Variants in FLT1 observed in about 807,000 individuals in gnomAD.
FLT1 encodes fms related receptor tyrosine kinase 1, also known as vascular endothelial growth factor receptor 1.
In FLT1, 49 loss-of-function variants were observed where a neutral mutation model predicts 156.3. That is an observed-to-expected ratio of 0.31 (90% CI 0.25 to 0.40). FLT1 has a LOEUF of 0.40. Among genes scored for constraint, FLT1 ranks in the 10% least tolerant of loss-of-function variants. The pLI is 1.00. For synonymous variants in FLT1, 594 were observed against 583.8 expected, an observed-to-expected ratio of 1.02 and a Z score of -0.25; for missense variants, 1,322 against 1,637.2, an observed-to-expected ratio of 0.81 and a Z score of 3.32.
At chr13:28,425,313 A>G (rs946243328) in intron 10 of FLT1, among the ~76,000 whole-genome samples, 2 of 152,242 alleles carry the variant, frequency 1.3e-5, no homozygotes, top group Admixed American at 6.5e-5. Flanking sequence ...TGAACAGAGA[A>G]TAATTCAAAT....
At chr13:28,341,804 A>G (rs1872343609) in intron 16 of FLT1, among the ~76,000 whole-genome samples, 2 of 152,222 alleles carry the variant, frequency 1.3e-5, no homozygotes, top group African/African-American at 4.8e-5. Flanking sequence ...TCTTATTAAC[A>G]TCAAAATTTC....
intron 1 of FLT1, among the ~76,000 whole-genome samples, chr13:28,491,539 T>G (rs1424859095): frequency 6.6e-6 from 1 of 152,216 alleles, no homozygotes; most frequent in Non-Finnish European, 1.5e-5. Context: ...TCAGGCATCC[T>G]CTACCAGCCC....
intron 11 of FLT1, 60 bp from the exon 12 acceptor site, chr13:28,397,128 A>G: frequency 1.1e-6 from 1 of 944,748 alleles, no homozygotes; most frequent in African/African-American, 1.6e-5. Context: ...GAACACCCCA[A>G]GCTACTTCTG....
At chr13:28,330,529 G>T (rs2138841514) in intron 18 of FLT1, among the ~76,000 whole-genome samples, 1 of 150,152 alleles carries the variant, frequency 6.7e-6, no homozygotes, top group Non-Finnish European at 1.5e-5. Context: ...AGCAGCCATG[G>T]TTAATAGTTT....
chr13:28,424,167 G>A (rs1275314975), intron 10 of FLT1, among the ~76,000 whole-genome samples: 4 of 151,362 alleles, frequency 2.6e-5, no homozygotes, highest in Non-Finnish European at 5.9e-5. Flanking sequence ...TCAAACTCCC[G>A]ACCTCAGGTG....
chr13:28,318,425 G>A (rs998504180), intron 24 of FLT1, among the ~76,000 whole-genome samples: 1 of 152,084 alleles, frequency 6.6e-6, no homozygotes, highest in Non-Finnish European at 1.5e-5. Flanking sequence ...TTTCCTTTTG[G>A]GGGGATTCTT....
intron 12 of FLT1, among the ~76,000 whole-genome samples, chr13:28,393,000 C>T (rs889763991): frequency 6.8e-6 from 1 of 147,862 alleles, no homozygotes; most frequent in African/African-American, 2.5e-5. Flanking sequence ...TTCATGTTGA[C>T]TTTTTTTTTT....
chr13:28,469,375 G>A (rs577681946), intron 1 of FLT1, among the ~76,000 whole-genome samples: 23 of 152,310 alleles, frequency 1.5e-4, no homozygotes, highest in South Asian at 4.1e-4. Context: ...CCTCTCCAGC[G>A]TTTCTCTTGG....
At position 28,357,659 on chromosome 13, in the gene FLT1, T is replaced by C; in HGVS notation, c.2143A>G (p.Thr715Ala). 1 of 1,613,854 alleles carries C rather than the reference T, an allele frequency of 6.2e-7. No individual in the cohort carries two copies. The highest frequency in any genetic ancestry group is 1.6e-4 in the Middle Eastern group (1 of 6,062). The change falls in exon 15 of 30, where the codon ACG becomes GCG. Residue 715 changes from threonine to alanine, a missense_variant. Physicochemically the swap from Thr to Ala is moderately conservative, Grantham distance 58. Around this residue, in one of 3 missense-constraint regions of FLT1, gnomAD observed 991 missense variants for 1,254.8 expected, o/e 0.79. Coordinates refer to ENST00000282397, the MANE Select transcript of FLT1 (RefSeq NM_002019.4). ...TCTGTGACTCTTTCAATAAACAGCG[T>C]GCTGCTTCCTGGTCCTAAAATAATT... is the stretch of plus-strand genomic sequence containing the variant. ...PGIILGPGSS[T>A]LFIERVTEED...
intron 14 of FLT1, among the ~76,000 whole-genome samples, chr13:28,361,738 T>G (rs543802521): frequency 6.6e-6 from 1 of 152,348 alleles, no homozygotes; most frequent in East Asian, 1.9e-4. Context: ...AATGATTGTT[T>G]TAATTTGTAT....
rs1871533249 is a variant in FLT1, at chr13:28,323,039, T to G, written c.2797-93A>C. ...CAACTGGCAATCGCCTGATGAGAAA[T>G]GAGAGCGTTTCACTTCTCAAAATGG... On this transcript the variant is annotated intron_variant, in intron 20 of 29. Transcript: ENST00000282397. 3 of 1,344,170 alleles carry G rather than the reference T, an allele frequency of 2.2e-6. No homozygotes were observed. The South Asian group carries it at 3.5e-5, about 16-fold the overall frequency. The allele number at this position is 1,344,170 out of a possible 1,614,324, so 83.3% of individuals were successfully genotyped here.
intron 1 of FLT1, among the ~76,000 whole-genome samples, chr13:28,485,358 T>A (rs1216768698): frequency 6.6e-6 from 1 of 152,116 alleles, no homozygotes; most frequent in African/African-American, 2.4e-5. Context: ...GTCATGTTAG[T>A]CATCAGAGGC....
chr13:28,437,957 G>A (rs1878122353), intron 4 of FLT1, among the ~76,000 whole-genome samples: 1 of 152,184 alleles, frequency 6.6e-6, no homozygotes, highest in Non-Finnish European at 1.5e-5. Context: ...TGGGTTTGTG[G>A]CAATACATAA....
intron 15 of FLT1, among the ~76,000 whole-genome samples, chr13:28,353,197 ATAGT>A (rs1872780376): frequency 6.6e-6 from 1 of 152,120 alleles, no homozygotes; most frequent in African/African-American, 2.4e-5. Context: ...GTTTAGAATG[ATAGT>A]TATTCTTCTT....
intron 17 of FLT1, among the ~76,000 whole-genome samples, chr13:28,335,065 T>C (rs576815367): frequency 6.6e-6 from 1 of 152,240 alleles, no homozygotes; most frequent in South Asian, 2.1e-4. Flanking sequence ...GACCCTGAGA[T>C]TGATGCCCTT....
chr13:28,372,064 ATATATATATATATTTTTT>A (rs1236804885), intron 14 of FLT1, among the ~76,000 whole-genome samples: 2 of 41,888 alleles, frequency 4.8e-5, no homozygotes, highest in African/African-American at 1.8e-4. Context: ...ATATATATAT[ATATATATATATATTTTTT>A]TTTTTTTTTT....
intron 15 of FLT1, among the ~76,000 whole-genome samples, chr13:28,346,993 T>C (rs1228801871): frequency 6.6e-6 from 1 of 152,122 alleles, no homozygotes; most frequent in African/African-American, 2.4e-5. Flanking sequence ...ATAGAAAGAT[T>C]AATGAGGGAC....
At chr13:28,419,892 A>G (rs1329477266) in intron 10 of FLT1, among the ~76,000 whole-genome samples, 1 of 152,236 alleles carries the variant, frequency 6.6e-6, no homozygotes, top group East Asian at 1.9e-4. Flanking sequence ...ACAAAAAACA[A>G]AAAACATCCC....
chr13:28,337,886 G>A (rs571278360), intron 17 of FLT1, among the ~76,000 whole-genome samples: 8 of 152,318 alleles, frequency 5.3e-5, no homozygotes, highest in Non-Finnish European at 1.0e-4. Context: ...AGAATGGCTC[G>A]TGATTGTGGG....
Sources: gnomAD v4.1 joint callset for allele counts (sites outside exome capture counted in the v4.1 genomes callset) on GRCh38, gnomAD v4.1.1 for gene constraint, gnomAD v4.1.1 regional missense constraint, MANE v1.5 for transcripts, NCBI Gene and HGNC (gene_info 2026-07-23, HGNC 2026-07-21) for gene names.